MAX: variants seen among roughly 807,000 people sequenced by gnomAD.
The protein encoded by MAX is MYC associated transcriptional regulator X.
In MAX, 3 loss-of-function variants were observed where a neutral mutation model predicts 22.3. The ratio of observed to expected loss-of-function variants is 0.13; its 90% CI spans 0.06 to 0.35. The LOEUF (loss-of-function observed/expected upper bound fraction) is 0.35, where lower values mean the gene tolerates loss of function less well. MAX is among the 10% of genes least tolerant of loss of function. The pLI, the probability that MAX is intolerant of heterozygous loss-of-function variation, is 1.00. For missense variants in MAX, 119 were observed against 209.4 expected, an observed-to-expected ratio of 0.57 and a Z score of 2.66; for synonymous variants, 72 against 77.7, an observed-to-expected ratio of 0.93 and a Z score of 0.39.
At chr14:65,037,929 G>A (rs536580246) in intron 3 of MAX, among the ~76,000 whole-genome samples, 46 of 151,620 alleles carry the variant, frequency 3.0e-4, no homozygotes, top group African/African-American at 9.7e-4. Context: ...ATAGGCGTGC[G>A]CCACGACACC....
chr14:65,023,001 T>C lies in MAX; in HGVS notation c.172-16717A>G, dbSNP rs139277944. On this transcript the variant is annotated intron_variant, in intron 3 of 3. Transcript: ENST00000341653. This position sits in a 1 kb window ranked among gnomAD's most constrained non-coding sequence, Gnocchi z 4.1. ...TGCTGCTCATTTTGTATTATATGCT[T>C]ATTTACTGTACATGCCTTTGAATCC... 0.014 allele frequency among the ~76,000 whole-genome samples: 2,160 copies of C among 152,346 alleles called. 27 individuals are homozygous for C. Among genetic ancestry groups the C allele is most frequent in the Middle Eastern group, 0.031 (9 of 294 alleles).
chr14:65,016,773 C>T (rs1196060197), intron 3 of MAX, among the ~76,000 whole-genome samples: 4 of 152,088 alleles, frequency 2.6e-5, no homozygotes, highest in South Asian at 4.1e-4. Context: ...CCTTGTGGTA[C>T]GTAGGATGCT....
At chr14:65,064,921 C>T (rs1286501588) in intron 3 of MAX, among the ~76,000 whole-genome samples, 1 of 152,242 alleles carries the variant, frequency 6.6e-6, no homozygotes, top group African/African-American at 2.4e-5. Context: ...AAAGGTTTGC[C>T]AGGGCTTGAT....
chr14:65,060,961 G>GTTAAATAT (rs1328516398), intron 3 of MAX, among the ~76,000 whole-genome samples: 1 of 149,606 alleles, frequency 6.7e-6, no homozygotes, highest in Non-Finnish European at 1.5e-5. Context: ...TGCCTGTATC[G>GTTAAATAT]TTAAATATTT....
At chr14:65,033,294 AG>A (rs1340556855) in intron 3 of MAX, among the ~76,000 whole-genome samples, 5 of 152,268 alleles carry the variant, frequency 3.3e-5, no homozygotes, top group African/African-American at 9.6e-5. Context: ...GAAACATGCA[AG>A]AGAATTCTGT....
chr14:65,098,622 G>A (rs574452808), intron 2 of MAX, among the ~76,000 whole-genome samples: 8 of 152,240 alleles, frequency 5.3e-5, no homozygotes, highest in African/African-American at 1.7e-4. Flanking sequence ...TAATATACCT[G>A]TCCCACAAAT....
chr14:65,101,487 C>T, intron 2 of MAX, 59 bp downstream of exon 2: 1 of 1,434,702 alleles, frequency 7.0e-7, no homozygotes, highest in South Asian at 1.2e-5. Context: ...TTCTCTCTGA[C>T]CCCAAAAAGG....
rs989399894 is a variant in MAX, at chr14:65,007,952, A to G, written c.172-1668T>C. On this transcript the variant is annotated intron_variant, in intron 3 of 3. Transcript: ENST00000341653. This position sits in a 1 kb window ranked among gnomAD's most constrained non-coding sequence, Gnocchi z 4.9. ...TGCTGACAATGGCTCTGAAGCCAGAATACTCTGAGTTAAAGTCCTCAAAGC... is the reference window on the plus strand; with the variant it reads ...TGCTGACAATGGCTCTGAAGCCAGAGTACTCTGAGTTAAAGTCCTCAAAGC... Among the ~76,000 whole-genome samples the G allele has an allele frequency of 1.3e-5, 2 of 152,188 alleles. No homozygotes were observed. Among genetic ancestry groups the G allele is most frequent in the African/African-American group, 4.8e-5 (2 of 41,434 alleles).
chr14:65,073,433 G>C (rs2063009930), downstream of MAX, among the ~76,000 whole-genome samples: 1 of 152,158 alleles, frequency 6.6e-6, no homozygotes, highest in African/African-American at 2.4e-5. Context: ...TTACAATGGG[G>C]TTAGCGTATC....
exon 4 of MAX, chr14:65,006,251 A>C (rs748529380): frequency 1.2e-6 from 2 of 1,613,846 alleles, no homozygotes; most frequent in South Asian, 2.2e-5. Context: ...TCATAAGGAA[A>C]GACAGGTGGG....
intron 3 of MAX, among the ~76,000 whole-genome samples, chr14:65,063,793 G>A (rs1442284666): frequency 1.3e-5 from 2 of 152,160 alleles, no homozygotes; most frequent in Non-Finnish European, 2.9e-5. Context: ...TCGAGCTCCT[G>A]GGCTCAAGCA....
chr14:65,067,981 C>G (rs2062948541), intron 3 of MAX, among the ~76,000 whole-genome samples: 1 of 152,054 alleles, frequency 6.6e-6, no homozygotes, highest in African/African-American at 2.4e-5. Flanking sequence ...AAGTACCATT[C>G]TCATCACACA....
At chr14:65,102,267 AC>A in intron 1 of MAX, 36 bp downstream of exon 1, 1 of 1,612,886 alleles carries the variant, frequency 6.2e-7, no homozygotes. Context: ...TCCCCGCCTG[AC>A]AACCCGCACG....
At chr14:65,010,227 G>GT (rs1242769171) in intron 3 of MAX, among the ~76,000 whole-genome samples, 1 of 152,150 alleles carries the variant, frequency 6.6e-6, no homozygotes, top group African/African-American at 2.4e-5. Context: ...AAACTCTCCT[G>GT]TTTCTCTCCT....
chr14:65,041,435 C>T (rs1022880568), intron 3 of MAX, among the ~76,000 whole-genome samples: 1 of 152,168 alleles, frequency 6.6e-6, no homozygotes, highest in African/African-American at 2.4e-5. Context: ...ACTCAGAAAG[C>T]AGTCAGCTTC....
At position 65,030,496 on chromosome 14, in the gene MAX, T is replaced by G. The variant is rs1019627428; in HGVS notation, c.172-24212A>C. Among the ~76,000 whole-genome samples, 15 of 152,102 alleles carry G rather than the reference T, an allele frequency of 9.9e-5. No homozygotes were observed. Among genetic ancestry groups the G allele is most frequent in the African/African-American group, 3.4e-4 (14 of 41,420 alleles). ...GCTCATGTCTGTAATCTCAACACTT[T>G]GAGAGACTGAGATGAGAGAATCACT... On this transcript the variant is annotated intron_variant, in intron 3 of 3. Coordinates refer to the MAX transcript ENST00000341653. This position sits in a 1 kb window ranked among gnomAD's most constrained non-coding sequence, Gnocchi z 4.5.
At chr14:65,056,085 CTATAAGCAATATATAGTTTTT>C (rs1221180206) in intron 3 of MAX, among the ~76,000 whole-genome samples, 1 of 152,116 alleles carries the variant, frequency 6.6e-6, no homozygotes, top group East Asian at 1.9e-4. Flanking sequence ...ACATATGTAT[CTATAAGCAATATATAGTTTTT>C]TATAAGCAAT....
chr14:65,010,803 C>T (rs112006316), intron 3 of MAX, among the ~76,000 whole-genome samples: 4 of 152,302 alleles, frequency 2.6e-5, no homozygotes, highest in African/African-American at 9.6e-5. Context: ...TCCCATTCCT[C>T]TTTCATCCCT....
At position 65,084,450 on chromosome 14, in the gene MAX, A is replaced by C. The variant is rs1291277671; in HGVS notation, c.172-6414T>G. 1 of 620,772 alleles carries C rather than the reference A, an allele frequency of 1.6e-6. No homozygotes were observed. The highest frequency in any genetic ancestry group is 1.9e-5 in the African/African-American group (1 of 53,738). 38.5% of individuals were successfully genotyped at this position (620,772 alleles called of 1,614,324 possible). A position where few individuals can be genotyped will look rare whatever the true frequency, so the allele number is the denominator to read the frequency against. On this transcript the variant is annotated intron_variant, in intron 3 of 4. Coordinates refer to ENST00000358664, the MANE Select transcript of MAX (RefSeq NM_002382.5). The surrounding 1 kb of genome is among the most constrained non-coding windows in gnomAD (Gnocchi z 4.3). ...CTGGTACTCTCAAAACACTACCAAA[A>C]GACTACTCTTTAGAATTTGCTTGAA...
Sources: allele counts gnomAD v4.1 joint callset (sites outside exome capture counted in the v4.1 genomes callset), GRCh38; gene constraint gnomAD v4.1.1; non-coding constraint Gnocchi (gnomAD v3.1); transcripts MANE v1.5; gene names NCBI Gene and HGNC (gene_info 2026-07-23, HGNC 2026-07-21).